Variants in SNX29 observed in about 807,000 individuals in gnomAD.
SNX29 encodes sorting nexin-29.
A neutral mutation model predicts 102.1 loss-of-function variants in SNX29; 78 were observed. The ratio of observed to expected loss-of-function variants is 0.76; its 90% confidence interval spans 0.64 to 0.92. SNX29 has a LOEUF of 0.92. Ranked by LOEUF, SNX29 falls within the 40% of genes least tolerant of loss-of-function variation. The pLI is 0.00. For synonymous variants in SNX29, 580 were observed against 414.5 expected, an observed-to-expected ratio of 1.40 and a Z score of -4.85; for missense variants, 1,280 against 1,061.7, an observed-to-expected ratio of 1.21 and a Z score of -2.86.
intron 18 of SNX29, chr16:12,442,927 C>G (rs2085875733): frequency 2.2e-6 from 1 of 444,460 alleles, no homozygotes. Flanking sequence ...TGGTTTGACA[C>G]TGAACTTTGA....
chr16:12,077,810 G>T (rs568250492), intron 10 of SNX29, among the ~76,000 whole-genome samples: 51 of 152,072 alleles, frequency 3.4e-4, no homozygotes, highest in Non-Finnish European at 6.2e-4. Flanking sequence ...TAGTAGAGAA[G>T]GGGTTTTGCC....
intron 18 of SNX29, among the ~76,000 whole-genome samples, chr16:12,405,617 A>G (rs756821749): frequency 6.6e-6 from 1 of 152,230 alleles, no homozygotes; most frequent in South Asian, 2.1e-4. Context: ...AAATCAGAGC[A>G]TGTGTTTGGA....
chr16:12,540,443 C>T (rs1361177299), intron 20 of SNX29, among the ~76,000 whole-genome samples: 3 of 152,198 alleles, frequency 2.0e-5, no homozygotes, highest in South Asian at 4.1e-4. Flanking sequence ...CTGTGGAGGC[C>T]AGAAGTCCGA....
intron 18 of SNX29, among the ~76,000 whole-genome samples, chr16:12,470,515 G>C (rs1452916158): frequency 1.3e-5 from 2 of 152,180 alleles, no homozygotes; most frequent in East Asian, 3.9e-4. Context: ...GCAGCCAGCA[G>C]AGAGGTGCAC....
At position 12,557,015 on chromosome 16, in the gene SNX29, A is replaced by ACACCCCCCCCC. The variant is rs66825746; in HGVS notation, c.2319-11490_2319-11489insACCCCCCCCCC. On this transcript the variant is annotated intron_variant, in intron 20 of 20. Coordinates refer to ENST00000566228, the MANE Select transcript of SNX29 (RefSeq NM_032167.5). ...GGTACACACCACATCTGGCTAATTT[A>ACACCCCCCCCC]CCCCCCCCCCGCCCCAAGATGAGGT... 2.7e-3 allele frequency among the ~76,000 whole-genome samples: 87 copies of ACACCCCCCCCC among 31,826 alleles called. 7 individuals carry two copies. Among genetic ancestry groups the ACACCCCCCCCC allele is most frequent in the African/African-American group, 6.0e-3 (44 of 7,348 alleles). The allele number at this position is 31,826 out of a possible 152,430, so 20.9% of individuals were successfully genotyped here.
At chr16:12,230,873 G>A (rs1206506225) in intron 14 of SNX29, among the ~76,000 whole-genome samples, 1 of 152,012 alleles carries the variant, frequency 6.6e-6, no homozygotes, top group Non-Finnish European at 1.5e-5. Context: ...CTGAGATGGA[G>A]TCTCTCTCTG....
chr16:12,078,692 G>A, intron 10 of SNX29, 141 bp from the exon 11 acceptor site: 1 of 723,488 alleles, frequency 1.4e-6, no homozygotes, highest in Non-Finnish European at 2.5e-6. Flanking sequence ...CAGATAACGA[G>A]GCCTGACTAA....
intron 15 of SNX29, among the ~76,000 whole-genome samples, chr16:12,330,984 C>T (rs1255361151): frequency 1.3e-5 from 2 of 152,240 alleles, no homozygotes; most frequent in Non-Finnish European, 2.9e-5. Flanking sequence ...GACTGTTGTC[C>T]ACACACTGGG....
At position 12,182,463 on chromosome 16, in the gene SNX29, G is replaced by C. The variant is rs79923527; in HGVS notation, c.1596-17138G>C. 4.0e-3 allele frequency among the ~76,000 whole-genome samples: 606 copies of C among 152,200 alleles called. 5 individuals are homozygous for C. The highest frequency in any genetic ancestry group is 0.013 in the African/African-American group (551 of 41,526). On this transcript the variant is annotated intron_variant, in intron 13 of 20. Transcript: ENST00000566228. Reference sequence around the variant, plus strand: ...AGTAATTACTCTGATGGCTGCTAACGCTTGCTCATTCAGAGCAGAGCTTCC... The same window carrying C: ...AGTAATTACTCTGATGGCTGCTAACCCTTGCTCATTCAGAGCAGAGCTTCC...
chr16:12,523,389 C>G (rs1434464389), intron 19 of SNX29, among the ~76,000 whole-genome samples: 1 of 152,210 alleles, frequency 6.6e-6, no homozygotes, highest in African/African-American at 2.4e-5. Flanking sequence ...TGCCTTCTCT[C>G]AGCTCTTTGT....
rs1010962867 is a variant in SNX29, at chr16:12,560,792, C to T, written c.2319-7714C>T. 5 of 177,292 alleles carry T rather than the reference C, an allele frequency of 2.8e-5. No homozygotes were observed. The East Asian group carries it at 2.9e-4, about 10-fold the overall frequency. 11.0% of individuals were successfully genotyped at this position (177,292 alleles called of 1,614,324 possible). On this transcript the variant is annotated intron_variant, in intron 20 of 20. Transcript: ENST00000566228. ...CCCTCTGTGCTTTATTTTCCATGCC[C>T]TTAAGATTAGGATGGTAATTACAGC...
At chr16:12,185,058 G>C (rs1232909826) in intron 13 of SNX29, among the ~76,000 whole-genome samples, 1 of 152,222 alleles carries the variant, frequency 6.6e-6, no homozygotes, top group Non-Finnish European at 1.5e-5. Flanking sequence ...CCTGGACTTA[G>C]AATCCTGTGG....
chr16:12,512,408 A>G (rs2089669696), intron 19 of SNX29, among the ~76,000 whole-genome samples: 2 of 66,662 alleles, frequency 3.0e-5, no homozygotes, highest in Admixed American at 2.6e-4. Context: ...ATATATATAT[A>G]TATATATATA....
intron 15 of SNX29, among the ~76,000 whole-genome samples, chr16:12,354,240 A>T (rs190912368): frequency 2.2e-3 from 335 of 152,348 alleles, no homozygotes; most frequent in African/African-American, 7.8e-3. Context: ...AAAAACTCAG[A>T]GTTTCAGAGG....
intron 18 of SNX29, among the ~76,000 whole-genome samples, chr16:12,465,649 C>G (rs979002761): frequency 2.0e-5 from 3 of 152,090 alleles, no homozygotes; most frequent in African/African-American, 7.2e-5. Flanking sequence ...ATACCTCCAG[C>G]TTTGTTCTTT....
intron 16 of SNX29, among the ~76,000 whole-genome samples, chr16:12,380,582 C>G (rs189930116): frequency 0.014 from 1,874 of 134,578 alleles, 9 homozygotes; most frequent in African/African-American, 0.041. Context: ...ATCCATCCAC[C>G]CACCCACCAT....
chr16:12,496,507 CTT>C (rs537441350), intron 19 of SNX29, among the ~76,000 whole-genome samples: 27 of 115,184 alleles, frequency 2.3e-4, no homozygotes, highest in African/African-American at 5.8e-4. Flanking sequence ...GCTCTCATGG[CTT>C]TTTTTTTTTT....
intron 20 of SNX29, among the ~76,000 whole-genome samples, chr16:12,538,894 TTAA>T (rs2077198044): frequency 6.9e-6 from 1 of 144,356 alleles, no homozygotes; most frequent in African/African-American, 2.8e-5. Context: ...CTTGCACAGA[TTAA>T]TGACCTGTTC....
At chr16:12,117,625 G>A (rs1335975538) in intron 11 of SNX29, among the ~76,000 whole-genome samples, 2 of 152,228 alleles carry the variant, frequency 1.3e-5, no homozygotes, top group African/African-American at 4.8e-5. Flanking sequence ...GGATGAAATG[G>A]GAAGAAATTG....
Sources: gnomAD v4.1 joint callset for allele counts (sites outside exome capture counted in the v4.1 genomes callset) on GRCh38, gnomAD v4.1.1 for gene constraint, MANE v1.5 for transcripts, NCBI Gene and HGNC (gene_info 2026-07-23, HGNC 2026-07-21) for gene names.